Variants in DCLK2 observed in about 807,000 individuals in gnomAD.
DCLK2 encodes serine/threonine-protein kinase DCLK2.
DCLK2 carries 31 observed loss-of-function variants against 78.4 expected under a neutral mutation model. The observed-to-expected ratio is 0.40, with a 90% confidence interval of 0.30 to 0.53. The LOEUF (loss-of-function observed/expected upper bound fraction) is 0.53. Ranked by LOEUF, DCLK2 falls within the 20% of genes least tolerant of loss-of-function variation. DCLK2 has a pLI of 0.61. For synonymous variants in DCLK2, 407 were observed against 374.9 expected (o/e 1.09, Z -0.99); for missense variants, 872 against 973.7 (o/e 0.90, Z 1.39).
At chr4:150,153,186 T>C (rs1735014035) in intron 2 of DCLK2, among the ~76,000 whole-genome samples, 1 of 152,204 alleles carries the variant, frequency 6.6e-6, no homozygotes, top group Non-Finnish European at 1.5e-5. Flanking sequence ...TTGCTATGCA[T>C]GCTTGTTTGC....
At position 150,204,368 on chromosome 4, in the gene DCLK2, C is replaced by T. The variant is rs34121201; in HGVS notation, c.1056+479C>T. 5.3e-3 allele frequency among the ~76,000 whole-genome samples: 813 copies of T among 152,200 alleles called. 3 individuals carry two copies. The highest frequency in any genetic ancestry group is 9.3e-3 in the Non-Finnish European group (634 of 67,994). ...TATAACACAAGGAAAATATGGTCAT[C>T]TTTGGTGAGGAACTTAGAAATAATC... On this transcript the variant is annotated intron_variant, in intron 5 of 15. Coordinates refer to ENST00000296550, the MANE Select transcript of DCLK2 (RefSeq NM_001040260.4).
At chr4:150,227,227 A>G (rs1442817964) in intron 8 of DCLK2, among the ~76,000 whole-genome samples, 1 of 152,242 alleles carries the variant, frequency 6.6e-6, no homozygotes, top group South Asian at 2.1e-4. Context: ...TTCAGGTAAT[A>G]CAAACTTGGG....
intron 12 of DCLK2, among the ~76,000 whole-genome samples, chr4:150,243,639 C>T (rs1466013781): frequency 1.3e-5 from 2 of 152,148 alleles, no homozygotes; most frequent in South Asian, 2.1e-4. Flanking sequence ...ACAGTTTTAG[C>T]TTCTCTGACG....
At chr4:150,198,847 A>G (rs1040187536) in intron 4 of DCLK2, among the ~76,000 whole-genome samples, 1 of 151,910 alleles carries the variant, frequency 6.6e-6, no homozygotes, top group Non-Finnish European at 1.5e-5. Context: ...GGCCTCAAGC[A>G]TCAGACTTTA....
chr4:150,175,044 TTATATATTTATA>T (rs1297147905), intron 2 of DCLK2, among the ~76,000 whole-genome samples: 1 of 34,398 alleles, frequency 2.9e-5, no homozygotes, highest in African/African-American at 9.9e-5. Flanking sequence ...TTATATATAT[TTATATATTTATA>T]TATATATTTA....
chr4:150,089,783 A>G lies in DCLK2; in HGVS notation c.421+10335A>G, dbSNP rs554841158. Among the ~76,000 whole-genome samples, 13 of 152,356 alleles carry G rather than the reference A, an allele frequency of 8.5e-5. No homozygotes were observed. In the South Asian group the frequency reaches 2.7e-3, roughly 32 times the overall value. On this transcript the variant is annotated intron_variant, in intron 1 of 15. Coordinates refer to ENST00000296550, the MANE Select transcript of DCLK2 (RefSeq NM_001040260.4). The stretch of plus-strand genomic sequence containing the variant: ...CAGTAAAAATGCAAAATAGCAATAT[A>G]AAGCTAGAGATACTCTGCTCAAACT...
intron 2 of DCLK2, among the ~76,000 whole-genome samples, chr4:150,128,481 A>G (rs764076850): frequency 6.6e-6 from 1 of 152,142 alleles, no homozygotes; most frequent in African/African-American, 2.4e-5. Context: ...GTTACCCTTG[A>G]GAAATTGTAA....
chr4:150,087,867 A>G (rs1352619422), intron 1 of DCLK2, among the ~76,000 whole-genome samples: 1 of 150,142 alleles, frequency 6.7e-6, no homozygotes, highest in Non-Finnish European at 1.5e-5. Flanking sequence ...ATATTTTTAG[A>G]TTTTATGGCT....
At chr4:150,190,213 A>AGATAGATGGATAGATG (rs70937322) in intron 2 of DCLK2, among the ~76,000 whole-genome samples, 7 of 132,954 alleles carry the variant, frequency 5.3e-5, no homozygotes, top group Admixed American at 1.6e-4. Flanking sequence ...AGATATAGAT[A>AGATAGATGGATAGATG]GATAGATGGA....
At chr4:150,253,583 C>G (rs566063312) in intron 15 of DCLK2, 20 of 1,289,338 alleles carry the variant, frequency 1.6e-5, no homozygotes, top group Non-Finnish European at 1.9e-5. Flanking sequence ...GTCCGACCAG[C>G]GCGCCCCATC....
intron 2 of DCLK2, among the ~76,000 whole-genome samples, chr4:150,145,532 C>A (rs1020872936): frequency 5.9e-5 from 9 of 152,142 alleles, no homozygotes; most frequent in Non-Finnish European, 1.3e-4. Flanking sequence ...TTTACTTTTG[C>A]CACTTGAGTC....
At chr4:150,245,310 G>T (rs1022496072) in intron 12 of DCLK2, among the ~76,000 whole-genome samples, 1 of 152,192 alleles carries the variant, frequency 6.6e-6, no homozygotes, top group African/African-American at 2.4e-5. Context: ...TCACTCCTCA[G>T]TGTGCCTCTT....
rs767818184 is a variant in DCLK2 at position 150,102,489 on chromosome 4, G to T, written c.433G>T (p.Val145Leu). 1.2e-6 allele frequency: 2 copies of T among 1,612,644 alleles called. No homozygotes were observed. The highest frequency in any genetic ancestry group is 1.7e-6 in the Non-Finnish European group (2 of 1,178,878). ...LDELLEGESYVCASNEPFRKV... is the reference protein window; with the variant it reads ...LDELLEGESYLCASNEPFRKV... The stretch of plus-strand genomic sequence containing the variant: ...ATTTTGCTTTTTAGGTGAGAGTTAC[G>T]TGTGTGCATCCAATGAACCATTTCG... Residue 145 changes from valine (V) to leucine (L), a missense_variant, in exon 2 of 16, where the codon GTG (valine) becomes TTG (leucine). Coordinates refer to ENST00000296550, the MANE Select transcript of DCLK2 (RefSeq NM_001040260.4).
chr4:150,223,650 G>A (rs1364176041), intron 7 of DCLK2, among the ~76,000 whole-genome samples: 1 of 151,980 alleles, frequency 6.6e-6, no homozygotes, highest in Non-Finnish European at 1.5e-5. Flanking sequence ...AGGCTGAGGC[G>A]ACAGAATTGC....
rs1233013014 is a variant in DCLK2 at position 150,232,780 on chromosome 4, C to T, written c.1518C>T (p.Leu506=). The stretch of plus-strand genomic sequence containing the variant: ...ACTTAGCCAATGCCCTCAGGTATCT[C>T]CATGGCCTCAGCATCGTGCACAGAG... ...VYNLANALRY[L]HGLSIVHRDI... Residue 506 remains leucine, a synonymous_variant, in exon 10 of 16, where the codon CTC becomes CTT. Transcript: ENST00000296550. 6.2e-7 allele frequency: 1 copy of T among 1,614,146 alleles called. No homozygotes were observed. Among genetic ancestry groups the T allele is most frequent in the Admixed American group, 1.7e-5 (1 of 60,026 alleles).
chr4:150,089,160 C>T (rs1377168744), intron 1 of DCLK2, among the ~76,000 whole-genome samples: 1 of 152,242 alleles, frequency 6.6e-6, no homozygotes, highest in African/African-American at 2.4e-5. Flanking sequence ...CCTTCTCTCT[C>T]TTCCTCTAAA....
At chr4:150,185,419 A>ATT (rs200535844) in intron 2 of DCLK2, among the ~76,000 whole-genome samples, 18 of 146,962 alleles carry the variant, frequency 1.2e-4, no homozygotes, top group South Asian at 6.5e-4. Context: ...CATGCATAGT[A>ATT]TTTTTTTTTT....
At chr4:150,115,184 A>G (rs968794253) in intron 2 of DCLK2, among the ~76,000 whole-genome samples, 1 of 152,092 alleles carries the variant, frequency 6.6e-6, no homozygotes, top group Non-Finnish European at 1.5e-5. Context: ...GCATTTTGTA[A>G]TTCCCTAAAT....
In DCLK2 at chr4:150,249,655, A is replaced by G; in HGVS notation, c.2044A>G (p.Ser682Gly). 1 of 1,613,740 alleles carries G rather than the reference A, an allele frequency of 6.2e-7. No individual in the cohort carries two copies. The highest frequency in any genetic ancestry group is 8.5e-7 in the Non-Finnish European group (1 of 1,179,972). The change falls in exon 15 of 16, where the codon AGC becomes GGC. Residue 682 changes from serine (S) to glycine (G), a missense_variant. Ser to Gly is a moderately conservative substitution (Grantham distance 56). Coordinates refer to ENST00000296550, the MANE Select transcript of DCLK2 (RefSeq NM_001040260.4). ...HFNNALPKQN[S>G]TTTGVSVIMN... ...TAATAATGCGCTCCCCAAACAGAAC[A>G]GCACTACCACCGGGGTCTCCGTCAT...
Sources: allele counts gnomAD v4.1 joint callset (sites outside exome capture counted in the v4.1 genomes callset), GRCh38; gene constraint gnomAD v4.1.1; transcripts MANE v1.5; gene names NCBI Gene and HGNC (gene_info 2026-07-23, HGNC 2026-07-21).